The following ANXA8 variants were observed in gnomAD, a reference collection of about 807,000 sequenced individuals.
The protein encoded by ANXA8 is VAC-beta.
In ANXA8, 9 loss-of-function variants were observed where a neutral mutation model predicts 26.8. That is an observed-to-expected ratio of 0.34 (90% confidence interval 0.20 to 0.59). The LOEUF (loss-of-function observed/expected upper bound fraction) is 0.59, where lower values mean the gene tolerates loss of function less well. ANXA8 is among the 20% of genes least tolerant of loss of function. The pLI, the probability that ANXA8 is intolerant of heterozygous loss-of-function variation, is 0.84. For missense variants in ANXA8, 83 were observed against 238.5 expected, an observed-to-expected ratio of 0.35 and a Z score of 4.29; for synonymous variants, 39 against 94.8, an observed-to-expected ratio of 0.41 and a Z score of 3.42.
chr10:47,960,597 A>G, the ANXA8 span, among the ~76,000 whole-genome samples: 8 of 149,772 alleles, frequency 5.3e-5, 1 homozygote, highest in Non-Finnish European at 1.2e-4. Context: ...GTAAATTTTT[A>G]CTGAAGTGAA....
chr10:47,701,598 C>T, the ANXA8 span, among the ~76,000 whole-genome samples: 1 of 151,494 alleles, frequency 6.6e-6, no homozygotes, highest in African/African-American at 2.4e-5. Flanking sequence ...AAACATAAAC[C>T]CCCCAAAACT....
At chr10:47,680,627 T>A in the ANXA8 span, among the ~76,000 whole-genome samples, 48 of 148,714 alleles carry the variant, frequency 3.2e-4, no homozygotes, top group South Asian at 9.4e-3. Flanking sequence ...AGAGCAAGAC[T>A]CCATCTCAAA....
the ANXA8 span, among the ~76,000 whole-genome samples, chr10:47,959,089 G>A: frequency 0.048 from 6,467 of 136,056 alleles, 25 homozygotes; most frequent in Admixed American, 0.082. Context: ...TGGCCTTCTG[G>A]AGAAGGAGGC....
At chr10:47,558,726 C>T in the ANXA8 span, among the ~76,000 whole-genome samples, 4 of 151,884 alleles carry the variant, frequency 2.6e-5, no homozygotes, top group Admixed American at 2.6e-4. Flanking sequence ...TTACTTTCCT[C>T]CATTTCTGGA....
At chr10:47,710,319 A>T in the ANXA8 span, 1 of 1,157,224 alleles carries the variant, frequency 8.6e-7, no homozygotes, top group African/African-American at 1.7e-5. Context: ...ACAGCCTCAG[A>T]GGGTGAACAG....
chr10:47,755,148 A>G, the ANXA8 span, among the ~76,000 whole-genome samples: 2 of 151,160 alleles, frequency 1.3e-5, no homozygotes, highest in African/African-American at 2.4e-5. Flanking sequence ...GTACAGACAG[A>G]ATTTTACTAT....
At chr10:47,647,218 A>T in the ANXA8 span, among the ~76,000 whole-genome samples, 1 of 152,186 alleles carries the variant, frequency 6.6e-6, no homozygotes. Context: ...CAATTTGTAT[A>T]GGACTCTTGA....
chr10:47,470,132 C>G (rs1340369648), intron 11 of ANXA8, among the ~76,000 whole-genome samples: 1 of 151,810 alleles, frequency 6.6e-6, no homozygotes, highest in African/African-American at 2.4e-5. Context: ...ATGAGTTATA[C>G]TTGGAGTGTT....
chr10:47,685,189 A>C, the ANXA8 span, among the ~76,000 whole-genome samples: 1 of 150,920 alleles, frequency 6.6e-6, no homozygotes, highest in Non-Finnish European at 1.5e-5. Flanking sequence ...TCTACTAAAA[A>C]TACAAAATTA....
the ANXA8 span, among the ~76,000 whole-genome samples, chr10:47,546,174 A>G: frequency 5.0e-5 from 7 of 139,284 alleles, 1 homozygote; most frequent in Non-Finnish European, 7.8e-5. Flanking sequence ...TATATTAAAT[A>G]CGTACAGAAA....
chr10:47,685,346 C>CAA, the ANXA8 span, among the ~76,000 whole-genome samples: 4 of 82,966 alleles, frequency 4.8e-5, no homozygotes, highest in African/African-American at 8.3e-5. Context: ...GAATCTGTCT[C>CAA]AAAAAAAAAA....
At chr10:47,891,591 T>TAAAA in the ANXA8 span, among the ~76,000 whole-genome samples, 2 of 1,138 alleles carry the variant, frequency 1.8e-3, no homozygotes, top group Non-Finnish European at 3.7e-3. Flanking sequence ...TACAAATAAA[T>TAAAA]AGAAAAAAAA....
At chr10:47,685,580 G>A in the ANXA8 span, among the ~76,000 whole-genome samples, 1 of 151,742 alleles carries the variant, frequency 6.6e-6, no homozygotes, top group African/African-American at 2.4e-5. Flanking sequence ...AGAAATATAG[G>A]TCTGAAGTTT....
At chr10:47,743,329 C>CATATATATATATACACAT in the ANXA8 span, among the ~76,000 whole-genome samples, 1,201 of 47,628 alleles carry the variant, frequency 0.025, 168 homozygotes, top group East Asian at 0.056. Flanking sequence ...TATATATATA[C>CATATATATATATACACAT]ATATATATAT....
the ANXA8 span, among the ~76,000 whole-genome samples, chr10:47,950,554 A>G: frequency 6.6e-6 from 1 of 150,398 alleles, no homozygotes; most frequent in Admixed American, 6.6e-5. Context: ...TGAACACAAA[A>G]CTTTCATTAT....
the ANXA8 span, among the ~76,000 whole-genome samples, chr10:47,769,866 A>G: frequency 1.3e-5 from 2 of 151,708 alleles, no homozygotes; most frequent in South Asian, 4.1e-4. Flanking sequence ...GAGACTGGGT[A>G]ATTTATAAAG....
chr10:47,548,986 G>C, the ANXA8 span, among the ~76,000 whole-genome samples: 1 of 151,746 alleles, frequency 6.6e-6, no homozygotes, highest in Non-Finnish European at 1.5e-5. Flanking sequence ...TACTTACTAT[G>C]ATATATTTGT....
At chr10:47,616,740 T>C in the ANXA8 span, among the ~76,000 whole-genome samples, 1 of 74,868 alleles carries the variant, frequency 1.3e-5, no homozygotes, top group South Asian at 7.1e-4. Flanking sequence ...CCAGTCTTTT[T>C]GAGCTCTCTT....
chr10:47,671,113 G>A, the ANXA8 span, among the ~76,000 whole-genome samples: 6 of 151,936 alleles, frequency 3.9e-5, no homozygotes, highest in African/African-American at 1.5e-4. Flanking sequence ...TAATGTATTT[G>A]TTGTTATTAA....
Sources: allele counts gnomAD v4.1 joint callset (sites outside exome capture counted in the v4.1 genomes callset), GRCh38; gene constraint gnomAD v4.1.1; transcripts MANE v1.5; gene names NCBI Gene and HGNC (gene_info 2026-07-23, HGNC 2026-07-21).